Variants in GDF6 observed in about 807,000 individuals in gnomAD.
The protein encoded by GDF6 is growth/differentiation factor 6.
A neutral mutation model predicts 32.4 loss-of-function variants in GDF6; 3 were observed. That is an observed-to-expected ratio of 0.09 (90% CI 0.04 to 0.24). The LOEUF is 0.24. Among genes scored for constraint, GDF6 ranks in the 10% least tolerant of loss-of-function variants. The pLI is 1.00. For synonymous variants in GDF6, 296 were observed against 295.3 expected (o/e 1.00, Z -0.03); for missense variants, 589 against 637.9 (o/e 0.92, Z 0.83).
chr8:96,149,380 T>C (rs1420741942), intron 1 of GDF6, among the ~76,000 whole-genome samples: 1 of 152,242 alleles, frequency 6.6e-6, no homozygotes, highest in Non-Finnish European at 1.5e-5. Flanking sequence ...ATTAGACATA[T>C]AAACATTTCC....
At chr8:96,157,115 C>A (rs1291934824) in intron 1 of GDF6, among the ~76,000 whole-genome samples, 1 of 152,176 alleles carries the variant, frequency 6.6e-6, no homozygotes, top group Non-Finnish European at 1.5e-5. Context: ...TAGTGCAATG[C>A]TTGGTACACA....
In GDF6 at chr8:96,145,596, C is replaced by G. The variant is rs1812465603; in HGVS notation, c.407-72G>C. 5 of 1,585,844 alleles carry G rather than the reference C, an allele frequency of 3.2e-6. No individual in the cohort carries two copies. The highest frequency in any genetic ancestry group is 2.2e-5 in the East Asian group (1 of 44,702). On this transcript the variant is annotated intron_variant, in intron 1 of 1. Transcript: ENST00000287020. The surrounding 1 kb of genome is among the most constrained non-coding windows in gnomAD (Gnocchi z 5.6). ...TCAGCCCGGTGCTCTTCGGCCGCCCCGGGAGGAAAAGGGCGGGGAGTGGGG... is the reference window on the plus strand; with the variant it reads ...TCAGCCCGGTGCTCTTCGGCCGCCCGGGGAGGAAAAGGGCGGGGAGTGGGG...
intron 1 of GDF6, among the ~76,000 whole-genome samples, chr8:96,146,739 C>A (rs770420719): frequency 6.9e-6 from 1 of 144,098 alleles, no homozygotes; most frequent in African/African-American, 2.9e-5. Flanking sequence ...GAGAGACTTT[C>A]CCATCTCTCC....
chr8:96,154,633 CCGGGTTATT>C (rs2130227135), intron 1 of GDF6, among the ~76,000 whole-genome samples: 1 of 152,200 alleles, frequency 6.6e-6, no homozygotes, highest in South Asian at 2.1e-4. Flanking sequence ...GTCGTTTGAC[CCGGGTTATT>C]CAATACCCGA....
chr8:96,155,988 C>A (rs1252996266), intron 1 of GDF6, among the ~76,000 whole-genome samples: 3 of 152,178 alleles, frequency 2.0e-5, no homozygotes, highest in African/African-American at 4.8e-5. Context: ...GCCCTCCCCG[C>A]AGCCGGGCTA....
chr8:96,147,822 GC>G (rs1328962687), intron 1 of GDF6, among the ~76,000 whole-genome samples: 4 of 152,314 alleles, frequency 2.6e-5, no homozygotes, highest in African/African-American at 4.8e-5. Flanking sequence ...CAAATTATTT[GC>G]AGGGCTTGCT....
Position 96,145,629 on chromosome 8 carries a change from G to T in GDF6, c.407-105C>A, listed in dbSNP as rs1812466279. The T allele has an allele frequency of 1.4e-6, 2 of 1,402,332 alleles. No individual in the cohort carries two copies. The highest frequency in any genetic ancestry group is 2.0e-6 in the Non-Finnish European group (2 of 1,015,398). The allele number at this position is 1,402,332 out of a possible 1,614,324, so 86.9% of individuals were successfully genotyped here. ...AAAGGGCGGGGAGTGGGGGCAGGTC[G>T]GCCGGGCAGTCCAGCTTGCCCGGCC... On this transcript the variant is annotated intron_variant, in intron 1 of 1. Coordinates refer to ENST00000287020, the MANE Select transcript of GDF6 (RefSeq NM_001001557.4). This position sits in a 1 kb window ranked among gnomAD's most constrained non-coding sequence, Gnocchi z 5.6.
rs984197099 is a variant in GDF6 at position 96,144,694 on chromosome 8, C to T, written c.1237G>A (p.Gly413Ser). The T allele has an allele frequency of 6.8e-6, 11 of 1,613,982 alleles. No individual in the cohort carries two copies. The highest frequency in any genetic ancestry group is 2.2e-5 in the East Asian group (1 of 44,880). The change falls in exon 2 of 2, where the codon GGC (glycine) becomes AGC (serine). Residue 413 changes from glycine to serine, a missense_variant. Gly to Ser is a moderately conservative substitution (Grantham distance 56). Transcript: ENST00000287020. This position sits in a 1 kb window ranked among gnomAD's most constrained non-coding sequence, Gnocchi z 5.1. ...ACGCAGCAGCTGGGCGGGGTGGAGC[C>T]GGGGTCCATGGAGTTCATCAGCGTC... ...IQTLMNSMDP[G>S]STPPSCCVPT...
Position 96,160,341 on chromosome 8 carries a change from A to G in GDF6, c.352T>C (p.Phe118Leu), listed in dbSNP as rs1387931302. The G allele has an allele frequency of 6.2e-7, 1 of 1,614,218 alleles. No homozygotes were observed. Among genetic ancestry groups the G allele is most frequent in the Non-Finnish European group, 8.5e-7 (1 of 1,180,038 alleles). The change falls in exon 1 of 2, where the codon TTC becomes CTC. Residue 118 changes from phenylalanine to leucine, a missense_variant. This residue lies in a region of GDF6 where 436 missense variants were observed against 411.2 expected (regional missense o/e 1.06). Coordinates refer to ENST00000287020, the MANE Select transcript of GDF6 (RefSeq NM_001001557.4). ...AEKLGINASF[F>L]QSSKSANTIT... ...GTATTAGCCGACTTGGAAGACTGGAAAAAGCTGGCATTGATGCCCAGCTTC... is the reference window on the plus strand; with the variant it reads ...GTATTAGCCGACTTGGAAGACTGGAGAAAGCTGGCATTGATGCCCAGCTTC...
chr8:96,148,294 C>T (rs1407927256), intron 1 of GDF6, among the ~76,000 whole-genome samples: 2 of 152,224 alleles, frequency 1.3e-5, no homozygotes, highest in Non-Finnish European at 2.9e-5. Context: ...CACAGTTTCA[C>T]AGGTGCACAC....
At chr8:96,147,072 G>T (rs1390834336) in intron 1 of GDF6, among the ~76,000 whole-genome samples, 1 of 152,086 alleles carries the variant, frequency 6.6e-6, no homozygotes, top group Admixed American at 6.6e-5. Flanking sequence ...GTAAAGTTTG[G>T]GTCGATTTCA....
chr8:96,157,746 G>A (rs1450059206), intron 1 of GDF6, among the ~76,000 whole-genome samples: 2 of 152,272 alleles, frequency 1.3e-5, no homozygotes, highest in African/African-American at 4.8e-5. Context: ...CTTCCATCAC[G>A]GGAGACGAGA....
Position 96,160,771 on chromosome 8 carries a change from G to T in GDF6, c.-79C>A, listed in dbSNP as rs907889569. ...GCGGGGCACGGAGCGGCTGGACAGC[G>T]GCCGGGGCCCGGCTCCTCGGGCGGA... On this transcript the variant is annotated 5_prime_UTR_variant, in exon 1 of 2. Transcript: ENST00000287020. 7.9e-5 allele frequency: 115 copies of T among 1,456,238 alleles called. No individual in the cohort carries two copies. Among genetic ancestry groups the T allele is most frequent in the Non-Finnish European group, 9.9e-5 (105 of 1,060,920 alleles). The allele number at this position is 1,456,238 out of a possible 1,614,324, so 90.2% of individuals were successfully genotyped here.
In GDF6 at chr8:96,160,569, C is replaced by T. The variant is rs748500252; in HGVS notation, c.124G>A (p.Gly42Ser). The change falls in exon 1 of 2, where the codon GGC becomes AGC. Residue 42 changes from glycine (G) to serine (S), a missense_variant. Around this residue, in one of 2 missense-constraint regions of GDF6, gnomAD observed 436 missense variants for 411.2 expected, o/e 1.06. Coordinates refer to ENST00000287020, the MANE Select transcript of GDF6 (RefSeq NM_001001557.4). ...TTGCCTTCCTTGCGGCTTCGCATGC[C>T]CTTGGTGGAACCCAGCTCGGCGGAC... Reference protein sequence around the residue: ...SSSAELGSTKGMRSRKEGKMQ... With the variant: ...SSSAELGSTKSMRSRKEGKMQ... 1 of 1,613,704 alleles carries T rather than the reference C, an allele frequency of 6.2e-7. No individual in the cohort carries two copies. The highest frequency in any genetic ancestry group is 8.5e-7 in the Non-Finnish European group (1 of 1,179,734).
At chr8:96,150,157 C>A (rs1009849997) in intron 1 of GDF6, among the ~76,000 whole-genome samples, 5 of 152,268 alleles carry the variant, frequency 3.3e-5, no homozygotes, top group Admixed American at 6.5e-5. Flanking sequence ...ACGGCTCCAA[C>A]TTCCCGGACT....
chr8:96,149,366 G>A (rs1014577419), intron 1 of GDF6, among the ~76,000 whole-genome samples: 1 of 152,170 alleles, frequency 6.6e-6, no homozygotes, highest in African/African-American at 2.4e-5. Context: ...GGTGTTTGCT[G>A]AACATTAGAC....
intron 1 of GDF6, among the ~76,000 whole-genome samples, chr8:96,152,455 G>A (rs1216554464): frequency 6.6e-6 from 1 of 152,164 alleles, no homozygotes; most frequent in Non-Finnish European, 1.5e-5. Context: ...TCCCCACTTT[G>A]GTGTCCTTTT....
At position 96,153,713 on chromosome 8, in the gene GDF6, C is replaced by T. The variant is rs574799222; in HGVS notation, c.406+6574G>A. Among the ~76,000 whole-genome samples the T allele has an allele frequency of 2.0e-5, 3 of 152,296 alleles. No homozygotes were observed. The East Asian group carries it at 5.8e-4, about 29-fold the overall frequency. ...GGGTGTTCATTTTATGTGACTTCCGCTCCCTGACCAGTTCTGAGCTTGCAG... is the reference window on the plus strand; with the variant it reads ...GGGTGTTCATTTTATGTGACTTCCGTTCCCTGACCAGTTCTGAGCTTGCAG... On this transcript the variant is annotated intron_variant, in intron 1 of 1. Coordinates refer to ENST00000287020, the MANE Select transcript of GDF6 (RefSeq NM_001001557.4).
At position 96,144,291 on chromosome 8, in the gene GDF6, A is replaced by AGAG. The variant is rs1554571161; in HGVS notation, c.*271_*272insCTC. 1,416 of 487,222 alleles carry AGAG rather than the reference A, an allele frequency of 2.9e-3. 54 individuals are homozygous for AGAG. The highest frequency in any genetic ancestry group is 0.026 in the African/African-American group (1,057 of 41,276). The allele number at this position is 487,222 out of a possible 1,614,324, so 30.2% of individuals were successfully genotyped here. A position where few individuals can be genotyped will look rare whatever the true frequency, so the allele number is the denominator to read the frequency against. On this transcript the variant is annotated 3_prime_UTR_variant, in exon 2 of 2. Coordinates refer to ENST00000287020, the MANE Select transcript of GDF6 (RefSeq NM_001001557.4). This position sits in a 1 kb window ranked among gnomAD's most constrained non-coding sequence, Gnocchi z 5.1. ...GAGAGAGAGAGAGAGAGAGAGAGAG[A>AGAG]AAACAGAACAAAAGAAATCCTCCTT...
Sources: allele counts gnomAD v4.1 joint callset (sites outside exome capture counted in the v4.1 genomes callset), GRCh38; gene constraint gnomAD v4.1.1; regional missense constraint gnomAD v4.1.1; non-coding constraint Gnocchi (gnomAD v3.1); transcripts MANE v1.5; gene names NCBI Gene and HGNC (gene_info 2026-07-23, HGNC 2026-07-21).